The following CADM2 variants were observed in gnomAD, a reference collection of about 807,000 sequenced individuals.
CADM2 encodes immunoglobulin superfamily member 4D.
Under a neutral mutation model 49.8 loss-of-function variants are expected in CADM2, and 12 were observed. The observed-to-expected ratio is 0.24, with a 90% confidence interval of 0.15 to 0.39. CADM2 has a LOEUF of 0.39. CADM2 is among the 10% of genes least tolerant of loss of function. The probability of loss-of-function intolerance (pLI) is 1.00; values close to 1 mark genes in which losing one functional copy is unlikely to be tolerated. For synonymous variants in CADM2, 214 were observed against 175.4 expected, an observed-to-expected ratio of 1.22 and a Z score of -1.74; for missense variants, 378 against 492.3, an observed-to-expected ratio of 0.77 and a Z score of 2.20.
At chr3:85,874,352 GAT>G (rs1711534068) in intron 3 of CADM2, among the ~76,000 whole-genome samples, 1 of 152,132 alleles carries the variant, frequency 6.6e-6, no homozygotes, top group Non-Finnish European at 1.5e-5. Flanking sequence ...TTACAAGGCA[GAT>G]TATAAATAAC....
intron 1 of CADM2, among the ~76,000 whole-genome samples, chr3:85,340,791 A>T (rs565805523): frequency 2.8e-4 from 42 of 151,578 alleles, no homozygotes; most frequent in East Asian, 3.9e-4. Context: ...ATTTTTTTTT[A>T]AAATAAATCT....
intron 1 of CADM2, among the ~76,000 whole-genome samples, chr3:85,028,283 T>C (rs1012978177): frequency 1.3e-5 from 2 of 152,198 alleles, no homozygotes; most frequent in Admixed American, 6.5e-5. Context: ...GCTTTGTTCT[T>C]TGTATTGAAC....
chr3:85,245,282 G>A (rs747227654), intron 1 of CADM2, among the ~76,000 whole-genome samples: 66 of 152,248 alleles, frequency 4.3e-4, no homozygotes, highest in Non-Finnish European at 6.6e-4. Flanking sequence ...GGAGGCCGAG[G>A]CGGGCGGATC....
intron 1 of CADM2, among the ~76,000 whole-genome samples, chr3:85,200,670 C>T (rs1433066218): frequency 1.3e-5 from 2 of 152,024 alleles, no homozygotes; most frequent in African/African-American, 4.8e-5. Context: ...AAGTGGTATT[C>T]TAAACAGGCT....
In CADM2 at chr3:86,072,225, TTC is replaced by T. The variant is rs1314265187; in HGVS notation, c.*5444_*5445del. On this transcript the variant is annotated 3_prime_UTR_variant, in exon 10 of 10. Coordinates refer to ENST00000383699, the MANE Select transcript of CADM2 (RefSeq NM_001167675.2). ...CTAAAATATGCTTAAAGTAAGATGTTTCTATGTTATGTGGTTATGTTATCAAT... is the reference window on the plus strand; with the variant it reads ...CTAAAATATGCTTAAAGTAAGATGTTTATGTTATGTGGTTATGTTATCAAT... 1 of 151,764 alleles carries T rather than the reference TTC, an allele frequency of 6.6e-6. No homozygotes were observed. Among genetic ancestry groups the T allele is most frequent in the Admixed American group, 6.6e-5 (1 of 15,176 alleles). The allele number at this position is 151,764 out of a possible 1,614,324, so 9.4% of individuals were successfully genotyped here.
chr3:85,922,102 C>A (rs1386195416), intron 6 of CADM2, among the ~76,000 whole-genome samples: 1 of 151,564 alleles, frequency 6.6e-6, no homozygotes, highest in South Asian at 2.1e-4. Context: ...TCTTCTTCCT[C>A]TTCCTTCTCC....
intron 2 of CADM2, among the ~76,000 whole-genome samples, chr3:85,729,290 G>A (rs913372438): frequency 6.6e-6 from 1 of 152,020 alleles, no homozygotes; most frequent in African/African-American, 2.4e-5. Flanking sequence ...TTCTTGAAAA[G>A]ATCAACTATT....
intron 1 of CADM2, among the ~76,000 whole-genome samples, chr3:85,541,681 A>G (rs1353162725): frequency 6.8e-6 from 1 of 146,340 alleles, no homozygotes; most frequent in Non-Finnish European, 1.5e-5. Flanking sequence ...CTGAATCTTG[A>G]ATTGTTGAGG....
chr3:85,015,680 G>A (rs2107272450), intron 1 of CADM2, among the ~76,000 whole-genome samples: 1 of 152,238 alleles, frequency 6.6e-6, no homozygotes, highest in Admixed American at 6.5e-5. Context: ...ATTGTCAAAA[G>A]GGAAGTAAAA....
At chr3:85,593,114 T>C (rs1270130052) in intron 1 of CADM2, among the ~76,000 whole-genome samples, 1 of 151,966 alleles carries the variant, frequency 6.6e-6, no homozygotes, top group Non-Finnish European at 1.5e-5. Flanking sequence ...TATTTTTCCA[T>C]TTATTTTGTA....
At chr3:85,687,391 A>G (rs1367205257) in intron 1 of CADM2, among the ~76,000 whole-genome samples, 1 of 152,170 alleles carries the variant, frequency 6.6e-6, no homozygotes, top group African/African-American at 2.4e-5. Context: ...GAGACACAGA[A>G]ACAGACAAAT....
At chr3:85,965,083 A>G (rs572884783) in intron 8 of CADM2, among the ~76,000 whole-genome samples, 1 of 151,510 alleles carries the variant, frequency 6.6e-6, no homozygotes, top group Non-Finnish European at 1.5e-5. Flanking sequence ...AATAACAAAC[A>G]AGAAGATTAT....
intron 1 of CADM2, among the ~76,000 whole-genome samples, chr3:85,405,190 T>C (rs1187143151): frequency 1.3e-5 from 2 of 152,166 alleles, no homozygotes; most frequent in Non-Finnish European, 2.9e-5. Flanking sequence ...TATATTTACA[T>C]ATTACTATAC....
chr3:85,561,165 T>C lies in CADM2; in HGVS notation c.62-165357T>C, dbSNP rs143595475. On this transcript the variant is annotated intron_variant, in intron 1 of 9. Coordinates refer to ENST00000383699, the MANE Select transcript of CADM2 (RefSeq NM_001167675.2). ...TCACTCAATATTATGTTTTTTATATTGTTCATGTTCATTGTTCATGTTCAG... is the reference window on the plus strand; with the variant it reads ...TCACTCAATATTATGTTTTTTATATCGTTCATGTTCATTGTTCATGTTCAG... Among the ~76,000 whole-genome samples the C allele has an allele frequency of 4.6e-5, 7 of 152,312 alleles. No homozygotes were observed. In the East Asian group the frequency reaches 1.4e-3, roughly 29 times the overall value.
In CADM2 at chr3:86,055,160, G is replaced by A. The variant is rs1056737630; in HGVS notation, c.971-10445G>A. Among the ~76,000 whole-genome samples, 4 of 152,120 alleles carry A rather than the reference G, an allele frequency of 2.6e-5. No homozygotes were observed. In the East Asian group the frequency reaches 7.7e-4, roughly 29 times the overall value. ...CTTGTTGCAGGATGTCTAACCTTAT[G>A]AAGCTCATTGTTTTATTTGCATATT... On this transcript the variant is annotated intron_variant, in intron 8 of 9. Coordinates refer to ENST00000383699, the MANE Select transcript of CADM2 (RefSeq NM_001167675.2).
chr3:85,815,444 C>T (rs1045536373), intron 3 of CADM2, among the ~76,000 whole-genome samples: 10 of 152,252 alleles, frequency 6.6e-5, no homozygotes, highest in Non-Finnish European at 1.3e-4. Flanking sequence ...GTTCAACATA[C>T]ACAAATCACT....
chr3:85,012,150 A>G (rs934220908), intron 1 of CADM2, among the ~76,000 whole-genome samples: 2 of 149,470 alleles, frequency 1.3e-5, no homozygotes, highest in Admixed American at 6.7e-5. Flanking sequence ...GGTAGTTTTG[A>G]TGAAAAAAAA....
chr3:85,421,254 G>T (rs1344812436), intron 1 of CADM2, among the ~76,000 whole-genome samples: 2 of 152,034 alleles, frequency 1.3e-5, no homozygotes, highest in East Asian at 1.9e-4. Flanking sequence ...CCCTAATTTT[G>T]TATTTATTCC....
chr3:85,039,680 G>A (rs189129953), intron 1 of CADM2, among the ~76,000 whole-genome samples: 35 of 152,276 alleles, frequency 2.3e-4, no homozygotes, highest in African/African-American at 7.9e-4. Context: ...ACAAAGGCAA[G>A]TAGCAAATAA....
Sources: allele counts gnomAD v4.1 joint callset (sites outside exome capture counted in the v4.1 genomes callset), GRCh38; gene constraint gnomAD v4.1.1; transcripts MANE v1.5; gene names NCBI Gene and HGNC (gene_info 2026-07-23, HGNC 2026-07-21).